Variants in PIP5K1B observed in about 807,000 individuals in gnomAD.
PIP5K1B encodes phosphatidylinositol-4-phosphate 5-kinase type 1 beta.
Under a neutral mutation model 67.0 loss-of-function variants are expected in PIP5K1B, and 42 were observed. The observed-to-expected ratio is 0.63, with a 90% confidence interval of 0.49 to 0.81. The LOEUF (loss-of-function observed/expected upper bound fraction) is 0.81, where lower values mean the gene tolerates loss of function less well. Ranked by LOEUF, PIP5K1B falls within the 30% of genes least tolerant of loss-of-function variation. The pLI is 0.00. For missense variants in PIP5K1B, 459 were observed against 646.3 expected, an observed-to-expected ratio of 0.71 and a Z score of 3.14; for synonymous variants, 214 against 231.4, an observed-to-expected ratio of 0.92 and a Z score of 0.68.
At chr9:68,916,862 A>G (rs1036362240) in intron 8 of PIP5K1B, among the ~76,000 whole-genome samples, 11 of 145,574 alleles carry the variant, frequency 7.6e-5, no homozygotes, top group Admixed American at 4.2e-4. Flanking sequence ...ACAGGGCGAG[A>G]CTCTGTCTCA....
chr9:68,961,208 C>T (rs912856295), intron 14 of PIP5K1B, among the ~76,000 whole-genome samples: 37 of 138,694 alleles, frequency 2.7e-4, no homozygotes, highest in Non-Finnish European at 4.6e-5. Context: ...CAGAGCGAGA[C>T]TCCGTCTCAA....
At chr9:68,789,872 C>G (rs1487081776) in intron 2 of PIP5K1B, among the ~76,000 whole-genome samples, 1 of 152,200 alleles carries the variant, frequency 6.6e-6, no homozygotes, top group African/African-American at 2.4e-5. Flanking sequence ...AGGTCCCACC[C>G]TGCTCTGCTT....
chr9:68,867,254 T>G (rs1823405732), intron 5 of PIP5K1B, among the ~76,000 whole-genome samples: 1 of 152,256 alleles, frequency 6.6e-6, no homozygotes, highest in East Asian at 1.9e-4. Context: ...ACCCTCGGAC[T>G]CCGGCTCCCA....
chr9:68,997,532 G>A (rs938914642), intron 15 of PIP5K1B, among the ~76,000 whole-genome samples: 5 of 152,190 alleles, frequency 3.3e-5, no homozygotes, highest in Non-Finnish European at 7.3e-5. Context: ...TGGTGTAGAA[G>A]GCATTTGACC....
At chr9:68,784,444 G>C (rs1358077411) in intron 2 of PIP5K1B, 1 of 166,864 alleles carries the variant, frequency 6.0e-6, no homozygotes, top group Non-Finnish European at 1.5e-5. Flanking sequence ...TGGATGTTAG[G>C]ACCCTTAAGC....
intron 14 of PIP5K1B, among the ~76,000 whole-genome samples, chr9:68,979,479 T>C (rs968511920): frequency 9.5e-6 from 1 of 104,882 alleles, no homozygotes; most frequent in African/African-American, 3.5e-5. Context: ...GTGAAAAAGG[T>C]CCCTGAACTT....
intron 1 of PIP5K1B, among the ~76,000 whole-genome samples, chr9:68,725,606 G>A (rs574869690): frequency 3.3e-5 from 5 of 152,278 alleles, no homozygotes; most frequent in Admixed American, 1.3e-4. Flanking sequence ...ATAGGAGTGG[G>A]ACACTGCTAA....
chr9:68,836,284 C>T (rs1041312325), intron 4 of PIP5K1B, among the ~76,000 whole-genome samples: 5 of 152,138 alleles, frequency 3.3e-5, no homozygotes, highest in African/African-American at 9.7e-5. Context: ...TTCCTGACCC[C>T]CAACCCAGTG....
intron 1 of PIP5K1B, among the ~76,000 whole-genome samples, chr9:68,725,805 A>T (rs915662007): frequency 6.6e-6 from 1 of 152,224 alleles, no homozygotes; most frequent in Admixed American, 6.5e-5. Context: ...CAAATAATTC[A>T]TGTGAGAGGG....
intron 1 of PIP5K1B, among the ~76,000 whole-genome samples, chr9:68,714,980 G>A (rs931248050): frequency 2.0e-5 from 3 of 152,066 alleles, no homozygotes; most frequent in African/African-American, 7.2e-5. Context: ...CACATTTGTG[G>A]CCACCATAGC....
intron 14 of PIP5K1B, among the ~76,000 whole-genome samples, chr9:68,943,021 G>T (rs1002328239): frequency 1.3e-5 from 2 of 152,194 alleles, no homozygotes; most frequent in African/African-American, 4.8e-5. Context: ...CCACAGTCAA[G>T]TTGGTGCCTG....
chr9:68,778,780 AC>A (rs1282633697), intron 2 of PIP5K1B, among the ~76,000 whole-genome samples: 1 of 152,042 alleles, frequency 6.6e-6, no homozygotes, highest in Non-Finnish European at 1.5e-5. Flanking sequence ...TCCAACTCTT[AC>A]CCTCTCCTAA....
At chr9:68,785,568 T>C (rs1389209730) in intron 2 of PIP5K1B, among the ~76,000 whole-genome samples, 1 of 152,254 alleles carries the variant, frequency 6.6e-6, no homozygotes, top group African/African-American at 2.4e-5. Flanking sequence ...TGTCAGGGAC[T>C]GTTCTAAGTG....
At chr9:68,885,739 C>G (rs61196668) in intron 6 of PIP5K1B, among the ~76,000 whole-genome samples, 7,080 of 152,164 alleles carry the variant, frequency 0.047, 298 homozygotes, top group East Asian at 0.24. Flanking sequence ...GTACAATGTC[C>G]ACTACTCAGG....
intron 12 of PIP5K1B, among the ~76,000 whole-genome samples, chr9:68,928,930 C>T (rs1826846321): frequency 1.3e-5 from 2 of 152,134 alleles, no homozygotes; most frequent in East Asian, 1.9e-4. Context: ...TTTGGGAGGC[C>T]GGGGTGGGCG....
chr9:68,851,091 G>A (rs1822461913), intron 4 of PIP5K1B, among the ~76,000 whole-genome samples: 1 of 152,146 alleles, frequency 6.6e-6, no homozygotes, highest in Non-Finnish European at 1.5e-5. Flanking sequence ...CTGTTAATGA[G>A]GAGTGTTTAC....
chr9:68,884,071 A>T (rs1397607981), intron 6 of PIP5K1B, among the ~76,000 whole-genome samples: 1 of 152,140 alleles, frequency 6.6e-6, no homozygotes, highest in African/African-American at 2.4e-5. Context: ...ATAGGGGAAA[A>T]TTGCGCAGTA....
intron 1 of PIP5K1B, among the ~76,000 whole-genome samples, chr9:68,738,705 C>G (rs1022278220): frequency 6.6e-6 from 1 of 152,200 alleles, no homozygotes; most frequent in African/African-American, 2.4e-5. Flanking sequence ...TAAATGGACC[C>G]TTCCACATAT....
intron 14 of PIP5K1B, among the ~76,000 whole-genome samples, chr9:68,944,997 C>T (rs1048807597): frequency 2.6e-5 from 4 of 152,130 alleles, no homozygotes; most frequent in Admixed American, 1.3e-4. Flanking sequence ...GCATCATAGC[C>T]TCCAAAAACA....
Sources: allele counts gnomAD v4.1 joint callset (sites outside exome capture counted in the v4.1 genomes callset), GRCh38; gene constraint gnomAD v4.1.1; transcripts MANE v1.5; gene names NCBI Gene and HGNC (gene_info 2026-07-23, HGNC 2026-07-21).